BNC2: variants seen among roughly 807,000 people sequenced by gnomAD.
BNC2 encodes the protein zinc finger protein basonuclin-2.
Under a neutral mutation model 76.3 loss-of-function variants are expected in BNC2, and 20 were observed. The ratio of observed to expected loss-of-function variants is 0.26; its 90% CI spans 0.18 to 0.38. The LOEUF is 0.38. Among genes scored for constraint, BNC2 ranks in the 10% least tolerant of loss-of-function variants. The pLI is 1.00. For missense variants in BNC2, 1,382 were observed against 1,399.8 expected (o/e 0.99, Z 0.20); for synonymous variants, 582 against 514.8 (o/e 1.13, Z -1.77).
intron 1 of BNC2, among the ~76,000 whole-genome samples, chr9:16,845,190 C>T (rs868288862): frequency 2.6e-5 from 4 of 152,294 alleles, no homozygotes; most frequent in East Asian, 1.9e-4. Context: ...AGTGTAAATT[C>T]GGATTTCTAT....
intron 1 of BNC2, among the ~76,000 whole-genome samples, chr9:16,800,971 T>C (rs1385326209): frequency 6.6e-6 from 1 of 152,198 alleles, no homozygotes; most frequent in East Asian, 1.9e-4. Flanking sequence ...TTGTTGCTAA[T>C]GTTTTTTCAT....
rs779616344 is a variant in BNC2, at chr9:16,436,475, A to G, written c.1719T>C (p.Tyr573=). 4 of 1,613,984 alleles carry G rather than the reference A, an allele frequency of 2.5e-6. No individual in the cohort carries two copies. Among genetic ancestry groups the G allele is most frequent in the African/African-American group, 2.7e-5 (2 of 74,902 alleles). ...LKTVQPVPPF[Y]RSLLTPGEMV... Reference sequence around the variant, plus strand: ...TTTCCCCTGGAGTGAGTAAACTTCTATAAAATGGAGGAACTGGTTGTACAG... The same window carrying G: ...TTTCCCCTGGAGTGAGTAAACTTCTGTAAAATGGAGGAACTGGTTGTACAG... The change falls in exon 6 of 7, where the codon TAT becomes TAC. Residue 573 remains tyrosine (Y), a synonymous_variant. Transcript: ENST00000380672.
At chr9:16,780,638 A>G (rs540812378) in intron 1 of BNC2, among the ~76,000 whole-genome samples, 3 of 152,346 alleles carry the variant, frequency 2.0e-5, no homozygotes, top group African/African-American at 7.2e-5. Flanking sequence ...AGCTTTTTAA[A>G]AAGTATTGGG....
intron 5 of BNC2, among the ~76,000 whole-genome samples, chr9:16,444,421 CT>C (rs1194278505): frequency 6.6e-6 from 1 of 152,120 alleles, no homozygotes; most frequent in Non-Finnish European, 1.5e-5. Flanking sequence ...CTGCAAGACA[CT>C]GATAATCCGC....
At chr9:16,668,770 T>TAAAC in intron 3 of BNC2, among the ~76,000 whole-genome samples, 1 of 152,204 alleles carries the variant, frequency 6.6e-6, no homozygotes, top group African/African-American at 2.4e-5. Flanking sequence ...TCTTTGACTT[T>TAAAC]CTCTTGTTGG....
At chr9:16,783,776 A>T (rs1232335816) in intron 1 of BNC2, among the ~76,000 whole-genome samples, 2 of 152,194 alleles carry the variant, frequency 1.3e-5, no homozygotes, top group African/African-American at 4.8e-5. Flanking sequence ...TTTCTTAAGT[A>T]ATTTCAATGA....
chr9:16,761,731 T>C (rs1825556918), intron 1 of BNC2, among the ~76,000 whole-genome samples: 1 of 152,212 alleles, frequency 6.6e-6, no homozygotes, highest in African/African-American at 2.4e-5. Context: ...CTCATAATTA[T>C]TCCAGGGCTC....
chr9:16,513,333 G>A (rs1332341525), intron 5 of BNC2, among the ~76,000 whole-genome samples: 26 of 119,304 alleles, frequency 2.2e-4, no homozygotes, highest in African/African-American at 8.4e-4. Context: ...TTGAGACAGA[G>A]TCTCGCTCTG....
intron 3 of BNC2, among the ~76,000 whole-genome samples, chr9:16,692,163 G>T (rs575096310): frequency 1.3e-5 from 2 of 152,208 alleles, no homozygotes; most frequent in Admixed American, 6.5e-5. Flanking sequence ...CTATTGGTTT[G>T]CAATCATTCT....
intron 3 of BNC2, among the ~76,000 whole-genome samples, chr9:16,628,111 T>TCCAACTAATGAATCACATACTTTC (rs1183412961): frequency 1.3e-5 from 2 of 152,162 alleles, no homozygotes; most frequent in African/African-American, 4.8e-5. Context: ...AACATACGGT[T>TCCAACTAATGAATCACATACTTTC]CCAACTAATG....
intron 3 of BNC2, among the ~76,000 whole-genome samples, chr9:16,665,404 A>AGAGAG (rs1554702339): frequency 3.2e-5 from 2 of 62,804 alleles, no homozygotes; most frequent in Admixed American, 1.8e-4. Flanking sequence ...GAGAGAGAGA[A>AGAGAG]AGAGAGAAAA....
At chr9:16,778,240 C>CACAA (rs1474706181) in intron 1 of BNC2, among the ~76,000 whole-genome samples, 3 of 152,140 alleles carry the variant, frequency 2.0e-5, no homozygotes, top group African/African-American at 7.2e-5. Flanking sequence ...GATACATACA[C>CACAA]ACAAATACTT....
intron 4 of BNC2, among the ~76,000 whole-genome samples, chr9:16,569,602 G>A (rs950775820): frequency 3.3e-5 from 5 of 152,170 alleles, no homozygotes; most frequent in African/African-American, 1.2e-4. Context: ...CCACTCGGTT[G>A]TTCAGAAGCT....
At chr9:16,523,479 A>AAC (rs1388058364) in intron 5 of BNC2, among the ~76,000 whole-genome samples, 2 of 131,340 alleles carry the variant, frequency 1.5e-5, no homozygotes, top group African/African-American at 7.3e-5. Context: ...TCAAAACAAA[A>AAC]AAAAAAAACA....
chr9:16,538,451 G>C (rs1818195911), intron 5 of BNC2, among the ~76,000 whole-genome samples: 1 of 152,182 alleles, frequency 6.6e-6, no homozygotes, highest in African/African-American at 2.4e-5. Flanking sequence ...CAATTCCACA[G>C]AGATCGTCTC....
intron 1 of BNC2, among the ~76,000 whole-genome samples, chr9:16,823,166 T>C (rs1818379696): frequency 6.6e-6 from 1 of 152,184 alleles, no homozygotes; most frequent in Non-Finnish European, 1.5e-5. Context: ...CCACAGTAAA[T>C]AGTTTATTAA....
intron 3 of BNC2, among the ~76,000 whole-genome samples, chr9:16,700,713 C>A (rs10756784): frequency 0.61 from 92,480 of 151,888 alleles, 31,346 homozygotes; most frequent in Non-Finnish European, 0.79. Context: ...TAATCCCAGC[C>A]CTTTGGGAGG....
At chr9:16,656,649 G>T (rs1447522304) in intron 3 of BNC2, among the ~76,000 whole-genome samples, 1 of 152,144 alleles carries the variant, frequency 6.6e-6, no homozygotes, top group Non-Finnish European at 1.5e-5. Context: ...CTTCCATGTG[G>T]ACCTTTAGGG....
intron 1 of BNC2, among the ~76,000 whole-genome samples, chr9:16,756,984 C>G (rs530903394): frequency 1.3e-4 from 10 of 76,190 alleles, no homozygotes; most frequent in Non-Finnish European, 2.9e-4. Flanking sequence ...CAGCGAGACT[C>G]TGTCTCAAAA....
Sources: gnomAD v4.1 joint callset for allele counts (sites outside exome capture counted in the v4.1 genomes callset) on GRCh38, gnomAD v4.1.1 for gene constraint, MANE v1.5 for transcripts, NCBI Gene and HGNC (gene_info 2026-07-23, HGNC 2026-07-21) for gene names.